SEC22C: variants seen among roughly 807,000 people sequenced by gnomAD.
SEC22C encodes vesicle-trafficking protein SEC22c.
Under a neutral mutation model 34.7 loss-of-function variants are expected in SEC22C, and 29 were observed. The ratio of observed to expected loss-of-function variants is 0.84; its 90% CI spans 0.62 to 1.14. The LOEUF is 1.14. Ranked by LOEUF, SEC22C falls within the 50% of genes most tolerant of loss-of-function variation. The pLI is 0.00. For synonymous variants in SEC22C, 117 were observed against 132.8 expected (o/e 0.88, Z 0.82); for missense variants, 337 against 369.0 (o/e 0.91, Z 0.71).
At chr3:42,584,853 G>C (rs1704560570), upstream of SEC22C, among the ~76,000 whole-genome samples, 1 of 152,240 alleles carries the variant, frequency 6.6e-6, no homozygotes, top group Non-Finnish European at 1.5e-5. Flanking sequence ...TGGGGAATTG[G>C]GGCCAGGTGT....
Position 42,594,363 on chromosome 3 carries a change from T to G in SEC22C, c.-28+6597A>C, listed in dbSNP as rs1255471825. On this transcript the variant is annotated intron_variant, in intron 1 of 6. Transcript: ENST00000417572. ...TAGAGTGGGTAAATTATTTTCCAGTTTTTTGTTCATGGTCGGTAAAAACAA... is the reference window on the plus strand; with the variant it reads ...TAGAGTGGGTAAATTATTTTCCAGTGTTTTGTTCATGGTCGGTAAAAACAA... The G allele has an allele frequency of 1.5e-5, 21 of 1,385,674 alleles. No individual in the cohort carries two copies. In the Admixed American group the frequency reaches 3.4e-4, roughly 23 times the overall value. 85.8% of individuals were successfully genotyped at this position (1,385,674 alleles called of 1,614,324 possible). A position where few individuals can be genotyped will look rare whatever the true frequency, so the allele number is the denominator to read the frequency against.
chr3:42,590,962 A>G, intron 1 of SEC22C: 1 of 443,742 alleles, frequency 2.3e-6, no homozygotes, highest in Non-Finnish European at 3.9e-6. Flanking sequence ...GAGACTATCC[A>G]GCGGGTGAGC....
intron 1 of SEC22C, chr3:42,573,522 C>T (rs1474470092): frequency 2.0e-5 from 3 of 151,964 alleles, no homozygotes; most frequent in African/African-American, 7.3e-5. Flanking sequence ...GAGACTCCGT[C>T]AAAAACAAAA....
chr3:42,599,383 G>A (rs1705174789), intron 1 of SEC22C, among the ~76,000 whole-genome samples: 1 of 151,826 alleles, frequency 6.6e-6, no homozygotes, highest in South Asian at 2.1e-4. Flanking sequence ...ACAAGGCGAA[G>A]GTAATTCAAT....
At chr3:42,574,970 T>C (rs1703873701) in intron 1 of SEC22C, among the ~76,000 whole-genome samples, 1 of 152,154 alleles carries the variant, frequency 6.6e-6, no homozygotes, top group Non-Finnish European at 1.5e-5. Flanking sequence ...GCCTCCCAAG[T>C]AGCTGGGACT....
Position 42,553,161 on chromosome 3 carries a change from CTG to C in SEC22C, c.*85_*86del. 6.5e-7 allele frequency: 1 copy of C among 1,544,412 alleles called. No individual in the cohort carries two copies. The highest frequency in any genetic ancestry group is 2.3e-5 in the East Asian group (1 of 44,234). ...TCCAGTTGGCTGAAAAGGATGGAAA[CTG>C]GAGTGTAAAGTAGAGAAGCAGAAAG... is the stretch of plus-strand genomic sequence containing the variant. On this transcript the variant is annotated 3_prime_UTR_variant, in exon 7 of 7. Coordinates refer to ENST00000264454, the MANE Select transcript of SEC22C (RefSeq NM_032970.4).
chr3:42,577,696 G>A (rs774476817), intron 1 of SEC22C, among the ~76,000 whole-genome samples: 18 of 152,264 alleles, frequency 1.2e-4, no homozygotes, highest in African/African-American at 2.6e-4. Context: ...TGGGCCAGGC[G>A]CAGTGGCTCA....
chr3:42,595,628 A>C (rs1290304119), intron 1 of SEC22C, among the ~76,000 whole-genome samples: 2 of 152,180 alleles, frequency 1.3e-5, no homozygotes, highest in East Asian at 3.8e-4. Context: ...ATTCTTTCTG[A>C]CTTTATTAGC....
chr3:42,578,992 A>G (rs1704140399), intron 1 of SEC22C, among the ~76,000 whole-genome samples: 1 of 152,198 alleles, frequency 6.6e-6, no homozygotes, highest in Non-Finnish European at 1.5e-5. Context: ...TAAAACAGGA[A>G]AGCGGCTGGG....
chr3:42,590,919 G>C, intron 1 of SEC22C: 1 of 1,609,574 alleles, frequency 6.2e-7, no homozygotes, highest in Non-Finnish European at 8.5e-7. Context: ...CTTCGTACCG[G>C]ACTGGCTGAG....
Position 42,548,876 on chromosome 3 carries a change from C to T in SEC22C, c.*4372G>A. On this transcript the variant is annotated 3_prime_UTR_variant, in exon 7 of 7. Coordinates refer to ENST00000264454, the MANE Select transcript of SEC22C (RefSeq NM_032970.4). Reference sequence around the variant, plus strand: ...TTCATGTACCAGGTGAATGTAAAGCCTTTCTCCTCCCACACACAATGGACT... The same window carrying T: ...TTCATGTACCAGGTGAATGTAAAGCTTTTCTCCTCCCACACACAATGGACT... The T allele has an allele frequency of 7.3e-7, 1 of 1,378,670 alleles. No individual in the cohort carries two copies. Among genetic ancestry groups the T allele is most frequent in the Non-Finnish European group, 9.4e-7 (1 of 1,065,122 alleles). 85.4% of individuals were successfully genotyped at this position (1,378,670 alleles called of 1,614,324 possible). A position where few individuals can be genotyped will look rare whatever the true frequency, so the allele number is the denominator to read the frequency against.
chr3:42,561,254 C>T lies in SEC22C; in HGVS notation c.389G>A (p.Ser130Asn), dbSNP rs1577311013. 1 of 1,614,172 alleles carries T rather than the reference C, an allele frequency of 6.2e-7. No homozygotes were observed. The highest frequency in any genetic ancestry group is 1.3e-5 in the African/African-American group (1 of 75,036). ...CAAGCTGCACTCCATCTGAGAGGAACTTACATAGTTAAAATGCCACTTCAC... is the reference window on the plus strand; with the variant it reads ...CAAGCTGCACTCCATCTGAGAGGAATTTACATAGTTAAAATGCCACTTCAC... ...QKVKWHFNYV[S>N]SSQMECSLEK... Residue 130 changes from serine (S) to asparagine (N), a missense_variant, in exon 4 of 7, where the codon AGT (serine) becomes AAT (asparagine). Physicochemically the swap from Ser to Asn is conservative, Grantham distance 46. Coordinates refer to ENST00000264454, the MANE Select transcript of SEC22C (RefSeq NM_032970.4).
intron 1 of SEC22C, among the ~76,000 whole-genome samples, chr3:42,572,693 A>C (rs1703721479): frequency 6.6e-6 from 1 of 152,226 alleles, no homozygotes; most frequent in African/African-American, 2.4e-5. Flanking sequence ...CTAAAACAGA[A>C]GATTTTAGTA....
At chr3:42,556,423 G>A (rs922097778) in intron 5 of SEC22C, among the ~76,000 whole-genome samples, 1 of 152,232 alleles carries the variant, frequency 6.6e-6, no homozygotes, top group Non-Finnish European at 1.5e-5. Context: ...TAATTCTAAT[G>A]TATACAAACA....
At chr3:42,572,091 G>A (rs1257127705) in intron 1 of SEC22C, among the ~76,000 whole-genome samples, 1 of 152,014 alleles carries the variant, frequency 6.6e-6, no homozygotes, top group African/African-American at 2.4e-5. Context: ...TAGGGACCTT[G>A]GGGTCTGAGG....
intron 1 of SEC22C, among the ~76,000 whole-genome samples, chr3:42,592,953 G>A (rs1383615919): frequency 6.6e-6 from 1 of 151,970 alleles, no homozygotes; most frequent in Non-Finnish European, 1.5e-5. Context: ...AAGTACAGTT[G>A]GTCCTCTGTA....
At chr3:42,560,979 T>G (rs1204881624) in intron 4 of SEC22C, 138 bp downstream of exon 4, 4 of 760,774 alleles carry the variant, frequency 5.3e-6, no homozygotes, top group Non-Finnish European at 8.1e-6. Context: ...AGAAACAGGA[T>G]GGGCCCATAT....
At chr3:42,564,203 G>A in intron 2 of SEC22C, 1 of 249,220 alleles carries the variant, frequency 4.0e-6, no homozygotes, top group South Asian at 4.7e-5. Flanking sequence ...TCATCTGATT[G>A]TGGTATTTAG....
At chr3:42,566,481 C>T (rs1426465674) in intron 2 of SEC22C, among the ~76,000 whole-genome samples, 1 of 152,008 alleles carries the variant, frequency 6.6e-6, no homozygotes, top group African/African-American at 2.4e-5. Flanking sequence ...TCGAGACCAT[C>T]CTGGCTAACA....
Sources: allele counts gnomAD v4.1 joint callset (sites outside exome capture counted in the v4.1 genomes callset), GRCh38; gene constraint gnomAD v4.1.1; transcripts MANE v1.5; gene names NCBI Gene and HGNC (gene_info 2026-07-23, HGNC 2026-07-21).